GNB5: variants seen among roughly 807,000 people sequenced by gnomAD.
GNB5 encodes the protein guanine nucleotide-binding protein subunit beta-5.
A neutral mutation model predicts 55.3 loss-of-function variants in GNB5; 37 were observed. That is an observed-to-expected ratio of 0.67 (90% CI 0.51 to 0.88). GNB5 has a LOEUF of 0.88. GNB5 is among the 40% of genes least tolerant of loss of function. The probability of loss-of-function intolerance (pLI) is 0.00; values close to 1 mark genes in which losing one functional copy is unlikely to be tolerated. For synonymous variants in GNB5, 219 were observed against 198.5 expected (o/e 1.10, Z -0.87); for missense variants, 476 against 515.3 (o/e 0.92, Z 0.74).
intron 3 of GNB5, among the ~76,000 whole-genome samples, chr15:52,157,946 T>A (rs909799877): frequency 6.6e-6 from 1 of 152,014 alleles, no homozygotes; most frequent in Non-Finnish European, 1.5e-5. Flanking sequence ...TGGGTATTAT[T>A]TGTGTGAACT....
chr15:52,134,205 GT>G (rs2033644874), intron 8 of GNB5, among the ~76,000 whole-genome samples: 1 of 152,258 alleles, frequency 6.6e-6, no homozygotes, highest in Admixed American at 6.5e-5. Context: ...TCTGGGAGTA[GT>G]TTGATAAGTT....
intron 3 of GNB5, among the ~76,000 whole-genome samples, chr15:52,155,090 T>C (rs987740228): frequency 1.3e-5 from 2 of 152,172 alleles, no homozygotes; most frequent in Non-Finnish European, 2.9e-5. Flanking sequence ...TCCACTTCCC[T>C]CTCTTGTTGG....
chr15:52,172,468 T>A (rs2034572246), intron 3 of GNB5, among the ~76,000 whole-genome samples: 1 of 152,032 alleles, frequency 6.6e-6, no homozygotes, highest in Non-Finnish European at 1.5e-5. Flanking sequence ...CTAGTACTCA[T>A]TTTTCCCTTA....
rs2033141609 is a variant in GNB5, at chr15:52,116,334, C to T, written c.*6423G>A. Reference sequence around the variant, plus strand: ...TGTTGTCACAGTCTTTACATAAACGCTCATACCATACTTACGATTAGTTGT... The same window carrying T: ...TGTTGTCACAGTCTTTACATAAACGTTCATACCATACTTACGATTAGTTGT... On this transcript the variant is annotated 3_prime_UTR_variant, in exon 13 of 13. Transcript: ENST00000261837. 1 of 152,224 alleles carries T rather than the reference C, an allele frequency of 6.6e-6. No homozygotes were observed. The highest frequency in any genetic ancestry group is 1.5e-5 in the Non-Finnish European group (1 of 68,048). The allele number at this position is 152,224 out of a possible 1,614,324, so 9.4% of individuals were successfully genotyped here.
intron 3 of GNB5, among the ~76,000 whole-genome samples, chr15:52,157,694 TA>T (rs1566943453): frequency 6.6e-6 from 1 of 152,296 alleles, no homozygotes; most frequent in South Asian, 2.1e-4. Flanking sequence ...TCCCTTTTAA[TA>T]AAAAAGATGA....
At chr15:52,148,516 G>A (rs1444995457) in intron 5 of GNB5, among the ~76,000 whole-genome samples, 2 of 152,174 alleles carry the variant, frequency 1.3e-5, no homozygotes. Flanking sequence ...CAGGACCAGG[G>A]TCCACGTCTC....
Position 52,119,489 on chromosome 15 carries a change from G to T in GNB5, c.*3268C>A, listed in dbSNP as rs2033216181. On this transcript the variant is annotated 3_prime_UTR_variant, in exon 13 of 13. Coordinates refer to ENST00000261837, the MANE Select transcript of GNB5 (RefSeq NM_016194.4). ...GGAGGGAGGGGGAAATGGGAGAGAGGGAGGAGAGAGGGAGGAGGAGGGGAA... is the reference window on the plus strand; with the variant it reads ...GGAGGGAGGGGGAAATGGGAGAGAGTGAGGAGAGAGGGAGGAGGAGGGGAA... The T allele has an allele frequency of 8.5e-6, 1 of 117,598 alleles. No homozygotes were observed. The allele number at this position is 117,598 out of a possible 1,614,324, so 7.3% of individuals were successfully genotyped here.
At chr15:52,181,007 TCTC>T (rs2034760169) in intron 2 of GNB5, 1 of 152,146 alleles carries the variant, frequency 6.6e-6, no homozygotes, top group Admixed American at 6.5e-5. Flanking sequence ...ACTCAAGCCT[TCTC>T]CTTTTTCCCT....
rs576817400 is a variant in GNB5 at position 52,137,894 on chromosome 15, C to G, written c.628-2138G>C. On this transcript the variant is annotated intron_variant, in intron 7 of 12. Coordinates refer to ENST00000261837, the MANE Select transcript of GNB5 (RefSeq NM_016194.4). ...TGATAAGACCGTGGAGGAAGTGGCTCTTGCAGCATAAGTGTCCACAAGAGA... is the reference window on the plus strand; with the variant it reads ...TGATAAGACCGTGGAGGAAGTGGCTGTTGCAGCATAAGTGTCCACAAGAGA... 1.4e-5 allele frequency: 18 copies of G among 1,287,052 alleles called. No individual in the cohort carries two copies. The African/African-American group carries it at 2.7e-4, about 20-fold the overall frequency. The allele number at this position is 1,287,052 out of a possible 1,614,324, so 79.7% of individuals were successfully genotyped here.
intron 7 of GNB5, chr15:52,137,979 C>T: frequency 7.8e-7 from 1 of 1,286,024 alleles, no homozygotes. Flanking sequence ...GCCTTATGCA[C>T]CGCTAGCATG....
intron 3 of GNB5, among the ~76,000 whole-genome samples, chr15:52,157,363 CA>C (rs2034235120): frequency 6.6e-6 from 1 of 151,832 alleles, no homozygotes; most frequent in Admixed American, 6.6e-5. Flanking sequence ...TCTCCTGCCT[CA>C]GCCTCCAGAG....
At chr15:52,132,264 T>G (rs966434188) in intron 9 of GNB5, among the ~76,000 whole-genome samples, 1 of 152,198 alleles carries the variant, frequency 6.6e-6, no homozygotes, top group African/African-American at 2.4e-5. Flanking sequence ...TCTACCAGCA[T>G]CCATGAGCTA....
At position 52,153,932 on chromosome 15, in the gene GNB5, T is replaced by C. The variant is rs760325018; in HGVS notation, c.375+8A>G. 1.2e-6 allele frequency: 2 copies of C among 1,608,914 alleles called. No homozygotes were observed. The highest frequency in any genetic ancestry group is 1.1e-5 in the South Asian group (1 of 90,622). ...CCGCTCACCTGTTATGCAGCAGGTG[T>C]GACATACCTGTGACGAGCTCACGAT... On this transcript the variant is annotated splice_region_variant and intron_variant, in intron 4 of 12. Coordinates refer to ENST00000261837, the MANE Select transcript of GNB5 (RefSeq NM_016194.4).
At chr15:52,185,677 T>C (rs1479398508) in intron 1 of GNB5, among the ~76,000 whole-genome samples, 2 of 151,890 alleles carry the variant, frequency 1.3e-5, no homozygotes, top group Non-Finnish European at 2.9e-5. Context: ...CCCTTTTAAA[T>C]TATCAGGCCC....
At position 52,117,728 on chromosome 15, in the gene GNB5, G is replaced by A. The variant is rs1410129821; in HGVS notation, c.*5029C>T. The A allele has an allele frequency of 5.9e-5, 9 of 152,354 alleles. No homozygotes were observed. Among genetic ancestry groups the A allele is most frequent in the Non-Finnish European group, 1.0e-4 (7 of 68,124 alleles). The allele number at this position is 152,354 out of a possible 1,614,324, so 9.4% of individuals were successfully genotyped here. ...GATGAGAGGGCAAGTGGTTTAGCAT[G>A]GCAATCCTTACAAAGGATCCACAGA... On this transcript the variant is annotated 3_prime_UTR_variant, in exon 13 of 13. Coordinates refer to ENST00000261837, the MANE Select transcript of GNB5 (RefSeq NM_016194.4).
chr15:52,151,151 CCACA>C (rs1157475462), intron 4 of GNB5, among the ~76,000 whole-genome samples: 1 of 152,288 alleles, frequency 6.6e-6, no homozygotes, highest in African/African-American at 2.4e-5. Flanking sequence ...GCCTAAATGG[CCACA>C]CACAGTGTGT....
intron 3 of GNB5, among the ~76,000 whole-genome samples, chr15:52,168,441 C>G (rs1057041957): frequency 5.3e-5 from 8 of 152,116 alleles, no homozygotes; most frequent in Non-Finnish European, 8.8e-5. Flanking sequence ...TCAAGAACTA[C>G]AAACCACTGC....
intron 3 of GNB5, among the ~76,000 whole-genome samples, chr15:52,166,477 T>C (rs968476347): frequency 1.8e-4 from 28 of 152,062 alleles, no homozygotes; most frequent in African/African-American, 6.8e-4. Flanking sequence ...ACTGAAATCA[T>C]AACAGTCTCT....
intron 6 of GNB5, among the ~76,000 whole-genome samples, chr15:52,142,950 T>C (rs947820142): frequency 6.6e-6 from 1 of 150,646 alleles, no homozygotes; most frequent in Non-Finnish European, 1.5e-5. Flanking sequence ...AGGTCAGGAG[T>C]TCAAGACCAG....
Sources: allele counts gnomAD v4.1 joint callset (sites outside exome capture counted in the v4.1 genomes callset), GRCh38; gene constraint gnomAD v4.1.1; transcripts MANE v1.5; gene names NCBI Gene and HGNC (gene_info 2026-07-23, HGNC 2026-07-21).